Variants in PALM2AKAP2 observed in about 807,000 individuals in gnomAD.
The protein encoded by PALM2AKAP2 is PALM2-AKAP2 fusion protein.
PALM2AKAP2 carries 37 observed loss-of-function variants against 71.5 expected under a neutral mutation model. The observed-to-expected ratio is 0.52, with a 90% CI of 0.40 to 0.68. The LOEUF (loss-of-function observed/expected upper bound fraction) is 0.68, where lower values mean the gene tolerates loss of function less well. Ranked by LOEUF, PALM2AKAP2 falls within the 30% of genes least tolerant of loss-of-function variation. The pLI is 0.00. For synonymous variants in PALM2AKAP2, 468 were observed against 478.8 expected (o/e 0.98, Z 0.29); for missense variants, 1,224 against 1,191.8 (o/e 1.03, Z -0.40).
intron 1 of PALM2AKAP2, among the ~76,000 whole-genome samples, chr9:109,692,363 A>G (rs1827911481): frequency 6.6e-6 from 1 of 151,940 alleles, no homozygotes; most frequent in South Asian, 2.1e-4. Context: ...TACATTCCAT[A>G]GGATTTTCTA....
chr9:109,651,210 T>C (rs1298079187), intron 1 of PALM2AKAP2, among the ~76,000 whole-genome samples: 1 of 152,108 alleles, frequency 6.6e-6, no homozygotes, highest in Non-Finnish European at 1.5e-5. Flanking sequence ...TGAGAGAAAA[T>C]TGAGGTCAGT....
intron 1 of PALM2AKAP2, among the ~76,000 whole-genome samples, chr9:109,789,293 C>G (rs560747081): frequency 1.3e-5 from 2 of 152,322 alleles, no homozygotes; most frequent in South Asian, 2.1e-4. Flanking sequence ...GCCCATCAAG[C>G]CTGGTGGCCC....
At chr9:109,999,269 G>A (rs896317112) in intron 6 of PALM2AKAP2, among the ~76,000 whole-genome samples, 3 of 151,866 alleles carry the variant, frequency 2.0e-5, no homozygotes, top group Non-Finnish European at 4.4e-5. Flanking sequence ...AACCTTGGAG[G>A]TGGAGATTAC....
chr9:109,680,805 C>T (rs972492065), intron 1 of PALM2AKAP2, among the ~76,000 whole-genome samples: 1 of 152,134 alleles, frequency 6.6e-6, no homozygotes, highest in African/African-American at 2.4e-5. Context: ...GACAAGGTCA[C>T]AGGTACTGCT....
chr9:109,804,957 T>C (rs777522848), intron 1 of PALM2AKAP2, among the ~76,000 whole-genome samples: 6 of 152,228 alleles, frequency 3.9e-5, no homozygotes, highest in Non-Finnish European at 8.8e-5. Flanking sequence ...TTTGTAGTTA[T>C]GCTCTCTATA....
Position 109,737,947 on chromosome 9 carries a change from GA to G in PALM2AKAP2, c.6-42540del, listed in dbSNP as rs144816024. Among the ~76,000 whole-genome samples, 4 of 152,346 alleles carry G rather than the reference GA, an allele frequency of 2.6e-5. No individual in the cohort carries two copies. In the East Asian group the frequency reaches 7.7e-4, roughly 29 times the overall value. On this transcript the variant is annotated intron_variant, in intron 1 of 6. Transcript: ENST00000374531. ...ACATTAGGTGGATGGACACCAACCT[GA>G]CTAGCATGGCTTTGATGCCTTGGCA...
chr9:109,991,642 A>G (rs1216243773), intron 6 of PALM2AKAP2, among the ~76,000 whole-genome samples: 6 of 152,232 alleles, frequency 3.9e-5, no homozygotes, highest in Non-Finnish European at 7.3e-5. Flanking sequence ...GCTGCAGTCC[A>G]TCTTAAGCCT....
At chr9:109,972,793 G>A (rs1383750364) in intron 6 of PALM2AKAP2, among the ~76,000 whole-genome samples, 1 of 152,180 alleles carries the variant, frequency 6.6e-6, no homozygotes, top group African/African-American at 2.4e-5. Context: ...GGTACCACGT[G>A]ACTTTTGTCT....
In PALM2AKAP2 at chr9:110,111,086, C is replaced by CTTTTTTTTTTTTTTTTTTTTTTTTTT. The variant is rs34958946; in HGVS notation, c.157-25018_157-25017insTTTTTTTTTTTTTTTTTTTTTTTTTT. Among the ~76,000 whole-genome samples the CTTTTTTTTTTTTTTTTTTTTTTTTTT allele has an allele frequency of 5.3e-4, 45 of 84,184 alleles. 1 individual carries two copies. Among genetic ancestry groups the CTTTTTTTTTTTTTTTTTTTTTTTTTT allele is most frequent in the Non-Finnish European group, 6.3e-4 (30 of 47,498 alleles). The allele number at this position is 84,184 out of a possible 152,430, so 55.2% of individuals were successfully genotyped here. A position where few individuals can be genotyped will look rare whatever the true frequency, so the allele number is the denominator to read the frequency against. ...TCCTTTTTTCTTTTCTTTCTTTCTT[C>CTTTTTTTTTTTTTTTTTTTTTTTTTT]TTTTTTTTTTTTTTTTTTTTTTTGA... On this transcript the variant is annotated intron_variant, in intron 1 of 3. Transcript: ENST00000374525.
chr9:109,965,262 G>A (rs1831925651), intron 6 of PALM2AKAP2, among the ~76,000 whole-genome samples: 1 of 152,134 alleles, frequency 6.6e-6, no homozygotes, highest in Non-Finnish European at 1.5e-5. Flanking sequence ...TGAGAGCAAG[G>A]ACTCGAACAG....
intron 1 of PALM2AKAP2, among the ~76,000 whole-genome samples, chr9:109,682,796 C>G (rs1463129929): frequency 6.6e-6 from 1 of 152,204 alleles, no homozygotes; most frequent in African/African-American, 2.4e-5. Context: ...TGACTTCTTG[C>G]CTTTATTTCT....
At chr9:110,156,333 G>A (rs1183676229) in exon 3 of PALM2AKAP2, 1 of 1,585,014 alleles carries the variant, frequency 6.3e-7, no homozygotes, top group South Asian at 1.2e-5. Flanking sequence ...AATAGAGAAA[G>A]TCAAACCTCC....
At chr9:109,647,975 C>T (rs1225203244) in intron 1 of PALM2AKAP2, among the ~76,000 whole-genome samples, 1 of 152,206 alleles carries the variant, frequency 6.6e-6, no homozygotes, top group Non-Finnish European at 1.5e-5. Context: ...ACCCAAATAT[C>T]ATCTCAAACT....
chr9:109,929,177 TTTTTTGTTTC>T (rs972480339), intron 5 of PALM2AKAP2, among the ~76,000 whole-genome samples: 28 of 148,776 alleles, frequency 1.9e-4, no homozygotes, highest in Middle Eastern at 3.4e-3. Context: ...TAGTTTTTTT[TTTTTTGTTTC>T]TTTTTTAAAC....
At chr9:110,009,706 T>C (rs1156523152) in intron 6 of PALM2AKAP2, among the ~76,000 whole-genome samples, 11 of 143,250 alleles carry the variant, frequency 7.7e-5, no homozygotes, top group Non-Finnish European at 1.5e-5. Context: ...AAAGTGAGAC[T>C]CTGTCTCAAA....
chr9:110,096,952 AT>A lies in PALM2AKAP2; in HGVS notation c.157-39172del, dbSNP rs774519328. ...TTTTTATTTATTTATTTATTTATTT[AT>A]TTATTTATTATTTTTTTTATTGATC... On this transcript the variant is annotated intron_variant, in intron 1 of 3. Transcript: ENST00000374525. 3.2e-3 allele frequency among the ~76,000 whole-genome samples: 389 copies of A among 123,412 alleles called. 3 individuals are homozygous for A. The Middle Eastern group carries it at 0.042, about 13-fold the overall frequency. 81.0% of individuals were successfully genotyped at this position (123,412 alleles called of 152,430 possible). A position where few individuals can be genotyped will look rare whatever the true frequency, so the allele number is the denominator to read the frequency against.
At chr9:110,064,364 C>G (rs1834027765) in intron 1 of PALM2AKAP2, among the ~76,000 whole-genome samples, 1 of 152,204 alleles carries the variant, frequency 6.6e-6, no homozygotes, top group Non-Finnish European at 1.5e-5. Flanking sequence ...AGTGCCTCTC[C>G]TGTCCGACCT....
intron 3 of PALM2AKAP2, among the ~76,000 whole-genome samples, chr9:110,164,879 C>T (rs1236677324): frequency 6.6e-6 from 1 of 152,108 alleles, no homozygotes; most frequent in Non-Finnish European, 1.5e-5. Flanking sequence ...TTTTCCATTT[C>T]CATGGGGAGT....
intron 1 of PALM2AKAP2, among the ~76,000 whole-genome samples, chr9:109,791,131 C>A (rs1307234140): frequency 1.3e-5 from 2 of 152,184 alleles, no homozygotes; most frequent in East Asian, 3.9e-4. Context: ...AATGTACTTT[C>A]CAATCTTACT....
Sources: gnomAD v4.1 joint callset for allele counts (sites outside exome capture counted in the v4.1 genomes callset) on GRCh38, gnomAD v4.1.1 for gene constraint, MANE v1.5 for transcripts, NCBI Gene and HGNC (gene_info 2026-07-23, HGNC 2026-07-21) for gene names.